The following C11orf65 variants were observed in gnomAD, a reference collection of about 807,000 sequenced individuals.
C11orf65 encodes protein MFI.
Under a neutral mutation model 35.3 loss-of-function variants are expected in C11orf65, and 38 were observed. The ratio of observed to expected loss-of-function variants is 1.08; its 90% CI spans 0.83 to 1.41. C11orf65 has a LOEUF of 1.41. C11orf65 is among the 40% of genes most tolerant of loss of function. C11orf65 has a pLI of 0.00. For missense variants in C11orf65, 370 were observed against 367.1 expected (o/e 1.01, Z -0.06); for synonymous variants, 105 against 114.4 (o/e 0.92, Z 0.53).
intron 6 of C11orf65, chr11:108,317,645 A>AT: frequency 5.6e-6 from 1 of 177,552 alleles, no homozygotes; most frequent in South Asian, 1.4e-4. Context: ...ATATATATAT[A>AT]TATATATACA....
downstream of C11orf65, chr11:108,330,373 C>G (rs767846264): frequency 6.2e-7 from 1 of 1,614,112 alleles, no homozygotes; most frequent in Non-Finnish European, 8.5e-7. Flanking sequence ...GACTTTGTTC[C>G]CTCTGGCTTG....
rs770641163 is a variant in C11orf65, at chr11:108,365,208, C to T, written c.226+28000G>A. 8.7e-6 allele frequency: 14 copies of T among 1,614,140 alleles called. No homozygotes were observed. Among genetic ancestry groups the T allele is most frequent in the Admixed American group, 1.7e-5 (1 of 60,016 alleles). On this transcript the variant is annotated intron_variant, in intron 2 of 3. Coordinates refer to the C11orf65 transcript ENST00000524755. ...GAATGCAGATGACCAAGAATGCAAA[C>T]GAAATCTCAGGTGAGCAGTATTTTA...
chr11:108,327,348 G>T, downstream of C11orf65: 1 of 333,126 alleles, frequency 3.0e-6, no homozygotes. Context: ...TAGGATTCTT[G>T]TGAGAATTAA....
At chr11:108,438,592 C>T in intron 2 of C11orf65, among the ~76,000 whole-genome samples, 1 of 151,806 alleles carries the variant, frequency 6.6e-6, no homozygotes, top group African/African-American at 2.4e-5. Context: ...GAGTTAAAGC[C>T]ATAAAACTCC....
At chr11:108,449,483 A>T (rs557779046) in intron 2 of C11orf65, among the ~76,000 whole-genome samples, 1 of 152,120 alleles carries the variant, frequency 6.6e-6, no homozygotes, top group East Asian at 1.9e-4. Context: ...ATAATGCCGC[A>T]TATCTACAAC....
chr11:108,437,707 T>TAAACAAAAAAAAAAAA (rs2093083455), intron 2 of C11orf65, among the ~76,000 whole-genome samples: 1 of 38,032 alleles, frequency 2.6e-5, no homozygotes, highest in Non-Finnish European at 4.3e-5. Flanking sequence ...GACTCAGTCT[T>TAAACAAAAAAAAAAAA]AAAAAAAAAA....
In C11orf65 at chr11:108,376,916, C is replaced by T. The variant is rs992466078; in HGVS notation, c.226+16292G>A. On this transcript the variant is annotated intron_variant, in intron 2 of 3. Transcript: ENST00000524755. Reference sequence around the variant, plus strand: ...AAATTCCTCGACACATACACTCTCCCGAGACTAAACCAGGAAGAAGTTGAA... The same window carrying T: ...AAATTCCTCGACACATACACTCTCCTGAGACTAAACCAGGAAGAAGTTGAA... Among the ~76,000 whole-genome samples, 110 of 152,014 alleles carry T rather than the reference C, an allele frequency of 7.2e-4. 1 individual carries two copies. Among genetic ancestry groups the T allele is most frequent in the African/African-American group, 2.5e-3 (102 of 41,392 alleles).
intron 6 of C11orf65, chr11:108,315,948 C>A (rs2136123828): frequency 6.2e-7 from 1 of 1,606,084 alleles, no homozygotes. Flanking sequence ...TATAGTAATT[C>A]TGTTTATGAA....
intron 1 of C11orf65, among the ~76,000 whole-genome samples, chr11:108,465,742 T>G (rs557341376): frequency 1.3e-5 from 2 of 151,938 alleles, no homozygotes; most frequent in Non-Finnish European, 2.9e-5. Context: ...CCCAGCACTT[T>G]GGGAGGCCAA....
At chr11:108,464,247 GT>G (rs958950118) in intron 1 of C11orf65, among the ~76,000 whole-genome samples, 44 of 152,176 alleles carry the variant, frequency 2.9e-4, no homozygotes, top group African/African-American at 7.5e-4. Flanking sequence ...TTGTAGGATA[GT>G]TTTTACAAGT....
At chr11:108,328,329 C>T (rs1484627226), downstream of C11orf65, among the ~76,000 whole-genome samples, 5 of 152,216 alleles carry the variant, frequency 3.3e-5, no homozygotes, top group African/African-American at 7.2e-5. Flanking sequence ...TCACTGCAAC[C>T]TCTGCCTCCT....
intron 2 of C11orf65, among the ~76,000 whole-genome samples, chr11:108,440,067 G>T (rs1279555122): frequency 6.6e-6 from 1 of 152,098 alleles, no homozygotes; most frequent in Non-Finnish European, 1.5e-5. Flanking sequence ...TGAAATATCT[G>T]GAAATAACAG....
At chr11:108,319,434 T>C (rs2085029230) in intron 6 of C11orf65, among the ~76,000 whole-genome samples, 2 of 152,172 alleles carry the variant, frequency 1.3e-5, no homozygotes, top group Non-Finnish European at 2.9e-5. Flanking sequence ...CCAGTTACCA[T>C]GCGGGTGGCT....
At chr11:108,445,935 G>A (rs1406850718) in intron 2 of C11orf65, among the ~76,000 whole-genome samples, 3 of 152,318 alleles carry the variant, frequency 2.0e-5, no homozygotes, top group African/African-American at 4.8e-5. Flanking sequence ...TAAAGGAGCT[G>A]ATGGAGCTGA....
At chr11:108,342,083 T>G (rs1434504103) in intron 2 of C11orf65, among the ~76,000 whole-genome samples, 1 of 152,066 alleles carries the variant, frequency 6.6e-6, no homozygotes, top group East Asian at 1.9e-4. Flanking sequence ...ATTATGAGAT[T>G]TTTTTTGCAG....
At chr11:108,402,939 T>A (rs970113272) in intron 6 of C11orf65, among the ~76,000 whole-genome samples, 1 of 152,248 alleles carries the variant, frequency 6.6e-6, no homozygotes, top group African/African-American at 2.4e-5. Flanking sequence ...TGCGTAGTAT[T>A]CCTTTGTGTA....
At chr11:108,323,830 C>T (rs662578) in intron 6 of C11orf65, among the ~76,000 whole-genome samples, 81,648 of 151,990 alleles carry the variant, frequency 0.54, 22,530 homozygotes, top group Middle Eastern at 0.74. Flanking sequence ...AGATTACATT[C>T]CATTCATATA....
At chr11:108,322,235 G>A (rs2085287451) in intron 6 of C11orf65, among the ~76,000 whole-genome samples, 1 of 151,910 alleles carries the variant, frequency 6.6e-6, no homozygotes, top group Admixed American at 6.6e-5. Context: ...GCTCACTGCA[G>A]TCTCCACCTC....
At chr11:108,396,825 C>A (rs1161611540) in intron 6 of C11orf65, among the ~76,000 whole-genome samples, 1 of 129,498 alleles carries the variant, frequency 7.7e-6, no homozygotes, top group African/African-American at 3.0e-5. Flanking sequence ...CAGAGCAAGA[C>A]TCCGTCTTAA....
Sources: allele counts gnomAD v4.1 joint callset (sites outside exome capture counted in the v4.1 genomes callset), GRCh38; gene constraint gnomAD v4.1.1; transcripts MANE v1.5; gene names NCBI Gene and HGNC (gene_info 2026-07-23, HGNC 2026-07-21).